Variants in SLC35F5 observed in about 807,000 individuals in gnomAD.
SLC35F5 encodes solute carrier family 35 member F5, also known as HCV NS5A-transactivated protein 3.
A neutral mutation model predicts 68.6 loss-of-function variants in SLC35F5; 54 were observed. That is an observed-to-expected ratio of 0.79 (90% CI 0.63 to 0.99). The LOEUF (loss-of-function observed/expected upper bound fraction) is 0.99. SLC35F5 is among the 50% of genes least tolerant of loss of function. The probability of loss-of-function intolerance (pLI) is 0.00; values close to 1 mark genes in which losing one functional copy is unlikely to be tolerated. For missense variants in SLC35F5, 567 were observed against 626.9 expected (o/e 0.90, Z 1.02); for synonymous variants, 211 against 205.2 (o/e 1.03, Z -0.24).
At chr2:113,733,872 C>T (rs947593101) in intron 9 of SLC35F5, among the ~76,000 whole-genome samples, 2 of 152,242 alleles carry the variant, frequency 1.3e-5, no homozygotes, top group Non-Finnish European at 2.9e-5. Flanking sequence ...ACACTACTCT[C>T]CATCAAATCA....
chr2:113,737,722 G>C (rs1239896992), intron 7 of SLC35F5, among the ~76,000 whole-genome samples: 1 of 152,126 alleles, frequency 6.6e-6, no homozygotes, highest in Non-Finnish European at 1.5e-5. Context: ...TTCATTAGCT[G>C]TGAATTCTTT....
intron 11 of SLC35F5, 169 bp from the exon 12 acceptor site, chr2:113,725,706 C>CAAA: frequency 2.1e-6 from 1 of 487,346 alleles, no homozygotes; most frequent in South Asian, 2.9e-5. Flanking sequence ...AGCTCAACGC[C>CAAA]ATAGAAAAAA....
At chr2:113,715,423 T>C (rs1687142091) in intron 15 of SLC35F5, among the ~76,000 whole-genome samples, 1 of 152,202 alleles carries the variant, frequency 6.6e-6, no homozygotes. Context: ...TATTAGCAGT[T>C]AGTTGTACTC....
downstream of SLC35F5, chr2:113,703,917 G>A (rs1029138144): frequency 3.9e-5 from 6 of 152,384 alleles, no homozygotes; most frequent in African/African-American, 1.4e-4. Flanking sequence ...CCAGAATGAA[G>A]CCGTGGCTCC....
intron 1 of SLC35F5, 182 bp from the exon 2 acceptor site, chr2:113,755,726 T>C: frequency 1.9e-6 from 2 of 1,062,492 alleles, no homozygotes; most frequent in Non-Finnish European, 2.8e-6. Flanking sequence ...CTTCAGATTA[T>C]ACTTAGAGAG....
chr2:113,751,434 GGCATAGA>G (rs1470352539), intron 3 of SLC35F5, among the ~76,000 whole-genome samples: 1 of 152,106 alleles, frequency 6.6e-6, no homozygotes, highest in East Asian at 1.9e-4. Flanking sequence ...CCACTAAAAA[GGCATAGA>G]AAAAAATGAC....
chr2:113,704,141 C>T (rs1686749778), downstream of SLC35F5: 1 of 152,436 alleles, frequency 6.6e-6, no homozygotes, highest in African/African-American at 2.4e-5. Flanking sequence ...AACAAAGCTC[C>T]CACAGCTCGG....
chr2:113,751,838 A>C, intron 3 of SLC35F5, among the ~76,000 whole-genome samples: 1 of 151,346 alleles, frequency 6.6e-6, no homozygotes. Flanking sequence ...GGCTCCTATA[A>C]TAAATGGCCA....
rs191492520 is a variant in SLC35F5, at chr2:113,738,332, A to G, written c.751-2474T>C. Among the ~76,000 whole-genome samples the G allele has an allele frequency of 1.6e-3, 237 of 152,214 alleles. 1 individual carries two copies. Among genetic ancestry groups the G allele is most frequent in the Non-Finnish European group, 2.9e-3 (197 of 67,980 alleles). On this transcript the variant is annotated intron_variant, in intron 7 of 15. Coordinates refer to ENST00000245680, the MANE Select transcript of SLC35F5 (RefSeq NM_025181.5). The stretch of plus-strand genomic sequence containing the variant: ...TTTAGATTCTACATACATAAGTGAG[A>G]TCATATTTGTGAGTATTTGACATTC...
At chr2:113,750,895 A>G (rs956157590) in intron 3 of SLC35F5, among the ~76,000 whole-genome samples, 2 of 152,268 alleles carry the variant, frequency 1.3e-5, no homozygotes, top group Non-Finnish European at 2.9e-5. Flanking sequence ...CAATAATCCC[A>G]GCACGTGGGG....
chr2:113,725,510 A>C lies in SLC35F5; in HGVS notation c.1118T>G (p.Leu373Arg), dbSNP rs756192632. The C allele has an allele frequency of 6.3e-7, 1 of 1,592,244 alleles. No individual in the cohort carries two copies. Among genetic ancestry groups the C allele is most frequent in the African/African-American group, 1.4e-5 (1 of 73,114 alleles). ...FGFVGLFNLL[L>R]LWPGFFLLHY... is the part of the protein sequence containing the mutation. Reference sequence around the variant, plus strand: ...AAGTAAAAAGAAACCTGGCCATAAGAGCAGCAGATTAAACAAACCTACAAA... The same window carrying C: ...AAGTAAAAAGAAACCTGGCCATAAGCGCAGCAGATTAAACAAACCTACAAA... Residue 373 changes from leucine to arginine, a missense_variant, in exon 12 of 16, where the codon CTC (leucine) becomes CGC (arginine). Transcript: ENST00000245680.
Position 113,712,361 on chromosome 2 carries a change from G to A in SLC35F5, c.*2857C>T, listed in dbSNP as rs1687019644. On this transcript the variant is annotated 3_prime_UTR_variant, in exon 16 of 16. Transcript: ENST00000245680. ...TGAGACGGAGTCTCGCTGTCGCCCA[G>A]GCTGGAGTGCAGGGGCACGATCTCG... Among the ~76,000 whole-genome samples the A allele has an allele frequency of 6.6e-6, 1 of 151,972 alleles. No individual in the cohort carries two copies. Among genetic ancestry groups the A allele is most frequent in the Non-Finnish European group, 1.5e-5 (1 of 68,016 alleles).
chr2:113,755,120 A>G, intron 3 of SLC35F5, 45 bp downstream of exon 3: 3 of 1,595,860 alleles, frequency 1.9e-6, no homozygotes, highest in Non-Finnish European at 2.6e-6. Flanking sequence ...AAGAGTTAAC[A>G]TTGTGGCTGT....
chr2:113,754,318 A>C (rs955701322), intron 3 of SLC35F5, among the ~76,000 whole-genome samples: 1 of 151,852 alleles, frequency 6.6e-6, no homozygotes, highest in Non-Finnish European at 1.5e-5. Flanking sequence ...AAAAAAAAAA[A>C]AACTTATATA....
Position 113,742,748 on chromosome 2 carries a change from C to T in SLC35F5, c.694G>A (p.Val232Met). 6.2e-7 allele frequency: 1 copy of T among 1,614,018 alleles called. No individual in the cohort carries two copies. The highest frequency in any genetic ancestry group is 8.5e-7 in the Non-Finnish European group (1 of 1,179,978). Residue 232 changes from valine to methionine, a missense_variant, in exon 7 of 16, where the codon GTG becomes ATG. Transcript: ENST00000245680. ...VKEQESILKT[V>M]GKLTATQVAK... is the part of the protein sequence containing the mutation. ...ACTTGAGTTGCAGTAAGTTTCCCCA[C>T]AGTTTTCAGTATGGATTCTTGTTCT...
At chr2:113,750,298 T>C in intron 4 of SLC35F5, 127 bp downstream of exon 4, 1 of 843,330 alleles carries the variant, frequency 1.2e-6, no homozygotes, top group Non-Finnish European at 1.7e-6. Context: ...TTTTCTTATA[T>C]CATCTTCACT....
rs1048243624 is a variant in SLC35F5 at position 113,708,644 on chromosome 2, T to G, written c.*6574A>C. ...TCACTTGAACCCAGGAGGCAGAGGT[T>G]AGAGTGAGCCGAGATCGTGCCACTG... On this transcript the variant is annotated 3_prime_UTR_variant, in exon 16 of 16. Coordinates refer to ENST00000245680, the MANE Select transcript of SLC35F5 (RefSeq NM_025181.5). Among the ~76,000 whole-genome samples the G allele has an allele frequency of 2.6e-5, 4 of 152,182 alleles. No homozygotes were observed. Among genetic ancestry groups the G allele is most frequent in the South Asian group, 4.2e-4 (2 of 4,812 alleles).
At position 113,718,785 on chromosome 2, in the gene SLC35F5, ACT is replaced by A. The variant is rs764725482; in HGVS notation, c.1496+367_1496+368del. ...ACTCCAGGCTGGGCTACAGAGCAAGACTCTGTCAAGAAAGAGAAAAAAAGAAG... is the reference window on the plus strand; with the variant it reads ...ACTCCAGGCTGGGCTACAGAGCAAGACTGTCAAGAAAGAGAAAAAAAGAAG... On this transcript the variant is annotated intron_variant, in intron 14 of 15. Coordinates refer to ENST00000245680, the MANE Select transcript of SLC35F5 (RefSeq NM_025181.5). Among the ~76,000 whole-genome samples the A allele has an allele frequency of 3.1e-4, 47 of 151,874 alleles. No individual in the cohort carries two copies. In the East Asian group the frequency reaches 6.0e-3, roughly 19 times the overall value.
At chr2:113,738,048 C>T (rs1437723042) in intron 7 of SLC35F5, among the ~76,000 whole-genome samples, 1 of 151,954 alleles carries the variant, frequency 6.6e-6, no homozygotes, top group East Asian at 1.9e-4. Context: ...TACTGATTAC[C>T]ATAGTCAAAT....
Sources: allele counts gnomAD v4.1 joint callset (sites outside exome capture counted in the v4.1 genomes callset), GRCh38; gene constraint gnomAD v4.1.1; transcripts MANE v1.5; gene names NCBI Gene and HGNC (gene_info 2026-07-23, HGNC 2026-07-21).